Variants in TNFRSF10A observed in about 807,000 individuals in gnomAD.
The protein encoded by TNFRSF10A is tumor necrosis factor receptor superfamily member 10A.
Under a neutral mutation model 42.8 loss-of-function variants are expected in TNFRSF10A, and 44 were observed. The observed-to-expected ratio is 1.03, with a 90% CI of 0.81 to 1.32. The LOEUF (loss-of-function observed/expected upper bound fraction) is 1.32, where lower values mean the gene tolerates loss of function less well. TNFRSF10A is among the 40% of genes most tolerant of loss of function. TNFRSF10A has a pLI of 0.00. For synonymous variants in TNFRSF10A, 259 were observed against 234.2 expected, an observed-to-expected ratio of 1.11 and a Z score of -0.97; for missense variants, 680 against 602.0, an observed-to-expected ratio of 1.13 and a Z score of -1.36.
chr8:23,202,454 G>T (rs992808244), intron 3 of TNFRSF10A, among the ~76,000 whole-genome samples, 194 bp downstream of exon 3: 1 of 151,920 alleles, frequency 6.6e-6, no homozygotes, highest in African/African-American at 2.4e-5. Context: ...CTGATAGTTT[G>T]CACTACCAGG....
chr8:23,199,296 T>C lies in TNFRSF10A; in HGVS notation c.984A>G (p.Val328=). The C allele has an allele frequency of 1.2e-6, 2 of 1,614,190 alleles. No homozygotes were observed. The highest frequency in any genetic ancestry group is 1.7e-6 in the Non-Finnish European group (2 of 1,180,028). ...GACACTGTGCCTCCCCTGGGGACTG[T>C]ACAGTGACACCTGTCAAATCTGCCG... is the stretch of plus-strand genomic sequence containing the variant. The part of the protein sequence containing the change: ...QEPADLTGVT[V]QSPGEAQCLL... The change falls in exon 8 of 10, where the codon GTA becomes GTG. Residue 328 remains valine (V), a synonymous_variant. Transcript: ENST00000221132.
chr8:23,220,770 C>T (rs1053453566), intron 1 of TNFRSF10A, among the ~76,000 whole-genome samples: 4 of 152,210 alleles, frequency 2.6e-5, no homozygotes, highest in Non-Finnish European at 4.4e-5. Flanking sequence ...TCCCCATCTC[C>T]GACCTGGAAG....
intron 2 of TNFRSF10A, among the ~76,000 whole-genome samples, chr8:23,211,818 C>G (rs564722779): frequency 6.6e-6 from 1 of 152,238 alleles, no homozygotes; most frequent in East Asian, 1.9e-4. Flanking sequence ...TAGCCACATG[C>G]AAAAGAATGC....
chr8:23,223,846 C>T (rs868297637), intron 1 of TNFRSF10A, among the ~76,000 whole-genome samples: 1 of 152,202 alleles, frequency 6.6e-6, no homozygotes, highest in South Asian at 2.1e-4. Context: ...GAAGGGCGTG[C>T]CCCGCTCCTG....
At chr8:23,207,009 T>TG in intron 2 of TNFRSF10A, 1 of 394,804 alleles carries the variant, frequency 2.5e-6, no homozygotes, top group Non-Finnish European at 4.8e-6. Flanking sequence ...TGTAGAAAGG[T>TG]GTCCACTGCC....
intron 1 of TNFRSF10A, among the ~76,000 whole-genome samples, chr8:23,219,169 G>T (rs1801224389): frequency 6.6e-6 from 1 of 152,106 alleles, no homozygotes; most frequent in South Asian, 2.1e-4. Flanking sequence ...CCACCAGACT[G>T]TGGGCTTCAG....
In TNFRSF10A at chr8:23,202,707, C is replaced by A; in HGVS notation, c.458G>T (p.Gly153Val). ...GACNRCTEGV[G>V]YTNASNNLFA... ...CAAATTGTTGGAAGCATTGGTGTAACCCACACCCTCTGTGCACCGGTTACA... is the reference window on the plus strand; with the variant it reads ...CAAATTGTTGGAAGCATTGGTGTAAACCACACCCTCTGTGCACCGGTTACA... The change falls in exon 3 of 10, where the codon GGT (glycine) becomes GTT (valine). Residue 153 changes from glycine (G) to valine (V), a missense_variant. Physicochemically the swap from Gly to Val is moderately radical, Grantham distance 109 (BLOSUM62 -3). Coordinates refer to ENST00000221132, the MANE Select transcript of TNFRSF10A (RefSeq NM_003844.4). 6.2e-7 allele frequency: 1 copy of A among 1,614,044 alleles called. No individual in the cohort carries two copies. Among genetic ancestry groups the A allele is most frequent in the Non-Finnish European group, 8.5e-7 (1 of 1,179,970 alleles).
chr8:23,207,905 A>AC (rs996364225), intron 2 of TNFRSF10A, among the ~76,000 whole-genome samples: 3 of 151,932 alleles, frequency 2.0e-5, no homozygotes, highest in African/African-American at 7.2e-5. Context: ...AGCACGAAAA[A>AC]AAAAAAAAAA....
chr8:23,200,398 G>T (rs146502286), intron 6 of TNFRSF10A, 107 bp downstream of exon 6: 13 of 1,264,736 alleles, frequency 1.0e-5, no homozygotes, highest in Non-Finnish European at 1.5e-5. Context: ...GATAGAGCCC[G>T]GCCAGAGACA....
At chr8:23,193,122 C>T (rs1433427519) in intron 9 of TNFRSF10A, among the ~76,000 whole-genome samples, 1 of 152,114 alleles carries the variant, frequency 6.6e-6, no homozygotes, top group Non-Finnish European at 1.5e-5. Flanking sequence ...CTATTAAAGC[C>T]TTCTTGGCAA....
chr8:23,210,436 C>T (rs977934190), intron 2 of TNFRSF10A, among the ~76,000 whole-genome samples: 2 of 152,130 alleles, frequency 1.3e-5, no homozygotes, highest in East Asian at 1.9e-4. Flanking sequence ...AATCCCAGCA[C>T]TTTGGAAGGC....
chr8:23,191,614 T>G lies in TNFRSF10A; in HGVS notation c.*80A>C. ...TACACCTGGCTAAGAATTTACTTTG[T>G]ATACATGTTAAAAAAAAAAAAAACC... On this transcript the variant is annotated 3_prime_UTR_variant, in exon 10 of 10. Transcript: ENST00000221132. 1.9e-5 allele frequency: 28 copies of G among 1,446,004 alleles called. No individual in the cohort carries two copies. Among genetic ancestry groups the G allele is most frequent in the Non-Finnish European group, 2.4e-5 (26 of 1,105,596 alleles). The allele number at this position is 1,446,004 out of a possible 1,614,324, so 89.6% of individuals were successfully genotyped here.
rs773295396 is a variant in TNFRSF10A at position 23,212,103 on chromosome 8, T to G, written c.403+13A>C. ...AGAGGTGTAAAGGATTAGAGATCAG[T>G]CTTAGAATGTACCTGGTGGACACAA... On this transcript the variant is annotated intron_variant, in intron 2 of 9. Coordinates refer to ENST00000221132, the MANE Select transcript of TNFRSF10A (RefSeq NM_003844.4). 1.1e-5 allele frequency: 18 copies of G among 1,608,308 alleles called. No homozygotes were observed. The East Asian group carries it at 3.8e-4, about 34-fold the overall frequency.
At chr8:23,220,876 C>T (rs1383492654) in intron 1 of TNFRSF10A, among the ~76,000 whole-genome samples, 1 of 152,206 alleles carries the variant, frequency 6.6e-6, no homozygotes, top group Non-Finnish European at 1.5e-5. Context: ...CAGCCATCTG[C>T]AGCCACATGG....
At chr8:23,198,658 C>G (rs6557627) in intron 8 of TNFRSF10A, among the ~76,000 whole-genome samples, 20,637 of 152,042 alleles carry the variant, frequency 0.14, 1,468 homozygotes, top group Middle Eastern at 0.21. Context: ...AATGTCAAAT[C>G]AAAATACATG....
At chr8:23,219,609 A>G (rs547016822) in intron 1 of TNFRSF10A, among the ~76,000 whole-genome samples, 1 of 152,364 alleles carries the variant, frequency 6.6e-6, no homozygotes, top group Admixed American at 6.5e-5. Flanking sequence ...AAGCAGCCAG[A>G]GAACAAAGAT....
chr8:23,193,402 A>C (rs1298052913), intron 9 of TNFRSF10A, among the ~76,000 whole-genome samples: 3 of 152,152 alleles, frequency 2.0e-5, no homozygotes, highest in African/African-American at 7.2e-5. Context: ...GAAATTTGAC[A>C]TTTGCATCCA....
chr8:23,207,176 C>T (rs1269441693), intron 2 of TNFRSF10A: 1 of 599,926 alleles, frequency 1.7e-6, no homozygotes, highest in African/African-American at 1.8e-5. Context: ...AAGACGACAA[C>T]AACACACTTG....
chr8:23,217,431 G>A (rs964259028), intron 1 of TNFRSF10A, among the ~76,000 whole-genome samples: 2 of 152,090 alleles, frequency 1.3e-5, no homozygotes, highest in African/African-American at 4.8e-5. Flanking sequence ...TGGTCAGGAT[G>A]GTCTCGATCT....
Sources: gnomAD v4.1 joint callset for allele counts (sites outside exome capture counted in the v4.1 genomes callset) on GRCh38, gnomAD v4.1.1 for gene constraint, MANE v1.5 for transcripts, NCBI Gene and HGNC (gene_info 2026-07-23, HGNC 2026-07-21) for gene names.